C7orf33: variants seen among roughly 807,000 people sequenced by gnomAD.
The protein encoded by C7orf33 is uncharacterized protein C7orf33.
C7orf33 carries 15 observed loss-of-function variants against 13.4 expected under a neutral mutation model. The ratio of observed to expected loss-of-function variants is 1.12; its 90% confidence interval spans 0.75 to 1.72. The LOEUF (loss-of-function observed/expected upper bound fraction) is 1.72. Ranked by LOEUF, C7orf33 falls within the 40% of genes most tolerant of loss-of-function variation. C7orf33 has a pLI of 0.00. For synonymous variants in C7orf33, 73 were observed against 83.2 expected, an observed-to-expected ratio of 0.88 and a Z score of 0.67; for missense variants, 187 against 220.3, an observed-to-expected ratio of 0.85 and a Z score of 0.96.
chr7:148,609,331 T>G (rs950305188), intron 1 of C7orf33, among the ~76,000 whole-genome samples: 2 of 152,224 alleles, frequency 1.3e-5, no homozygotes. Flanking sequence ...ATATTTTGGC[T>G]CTTATATCAG....
intron 1 of C7orf33, among the ~76,000 whole-genome samples, chr7:148,597,128 G>T (rs1442874425): frequency 6.6e-6 from 1 of 151,676 alleles, no homozygotes; most frequent in African/African-American, 2.4e-5. Context: ...ACCAACATCT[G>T]TGTGGATATT....
chr7:148,612,526 T>C (rs1796555642), intron 1 of C7orf33, among the ~76,000 whole-genome samples: 1 of 152,002 alleles, frequency 6.6e-6, no homozygotes, highest in South Asian at 2.1e-4. Context: ...ATATCCAAAA[T>C]ATAGAATTCT....
intron 1 of C7orf33, among the ~76,000 whole-genome samples, chr7:148,606,699 G>A (rs943925604): frequency 4.6e-5 from 7 of 152,100 alleles, no homozygotes; most frequent in African/African-American, 1.7e-4. Flanking sequence ...TGATTCTCCT[G>A]CCTCAGCCTC....
chr7:148,594,250 A>G (rs889553151), intron 1 of C7orf33, among the ~76,000 whole-genome samples: 3 of 143,670 alleles, frequency 2.1e-5, no homozygotes, highest in African/African-American at 7.9e-5. Context: ...ATCTTGGCTC[A>G]CTGCAAGCTC....
At chr7:148,602,474 G>A (rs921224566) in intron 1 of C7orf33, among the ~76,000 whole-genome samples, 5 of 152,096 alleles carry the variant, frequency 3.3e-5, no homozygotes, top group African/African-American at 4.8e-5. Flanking sequence ...GTGCATCTCT[G>A]TAATCCCAGC....
chr7:148,595,659 CTATATTATATAGATATAATATAG>C (rs1338405546), intron 1 of C7orf33, among the ~76,000 whole-genome samples: 11,346 of 111,600 alleles, frequency 0.1, 949 homozygotes, highest in South Asian at 0.27. Flanking sequence ...TAATATAGAT[CTATATTATATAGATATAATATAG>C]ATCTATATTA....
intron 1 of C7orf33, among the ~76,000 whole-genome samples, chr7:148,604,636 G>T (rs1796453858): frequency 6.6e-6 from 1 of 152,142 alleles, no homozygotes; most frequent in East Asian, 1.9e-4. Context: ...GGGTCCACCA[G>T]AATCTCAGAA....
At chr7:148,609,730 C>G (rs1796514011) in intron 1 of C7orf33, among the ~76,000 whole-genome samples, 1 of 152,174 alleles carries the variant, frequency 6.6e-6, no homozygotes, top group Non-Finnish European at 1.5e-5. Context: ...CAAAAGGGAA[C>G]ATATTATCCT....
In C7orf33 at chr7:148,599,552, C is replaced by T. The variant is rs113857082; in HGVS notation, c.204+8423C>T. The stretch of plus-strand genomic sequence containing the variant: ...GCAATGGCATGGTCTCAGCTCACTG[C>T]AACCTCCACCTCCCGGGTTCAAGCA... On this transcript the variant is annotated intron_variant, in intron 1 of 2. Coordinates refer to ENST00000307003, the MANE Select transcript of C7orf33 (RefSeq NM_145304.4). 9.0e-3 allele frequency among the ~76,000 whole-genome samples: 1,339 copies of T among 149,154 alleles called. 16 individuals are homozygous for T. Among genetic ancestry groups the T allele is most frequent in the African/African-American group, 0.031 (1,265 of 40,186 alleles).
intron 1 of C7orf33, among the ~76,000 whole-genome samples, chr7:148,600,682 T>A (rs974635939): frequency 2.0e-5 from 3 of 152,136 alleles, no homozygotes; most frequent in Non-Finnish European, 4.4e-5. Context: ...CCTATATGCA[T>A]CTTATTTTGT....
Position 148,591,061 on chromosome 7 carries a change from G to A in C7orf33, c.136G>A (p.Ala46Thr), listed in dbSNP as rs756799041. 17 of 1,613,928 alleles carry A rather than the reference G, an allele frequency of 1.1e-5. No homozygotes were observed. Among genetic ancestry groups the A allele is most frequent in the South Asian group, 4.4e-5 (4 of 91,056 alleles). Residue 46 changes from alanine (A) to threonine (T), a missense_variant, in exon 1 of 3, where the codon GCT becomes ACT. By Grantham distance (58) the Ala-to-Thr change is moderately conservative (BLOSUM62 0). Transcript: ENST00000307003. ...CCTTCGCCTGAGTGGGAGGGCAGTCGCTGTTTGGGTCCACGTTAGGGGCGG... is the reference window on the plus strand; with the variant it reads ...CCTTCGCCTGAGTGGGAGGGCAGTCACTGTTTGGGTCCACGTTAGGGGCGG... The part of the protein sequence containing the change: ...IDLRLSGRAV[A>T]VWVHVRGGPG...
At chr7:148,602,604 T>TA in intron 1 of C7orf33, among the ~76,000 whole-genome samples, 1 of 151,862 alleles carries the variant, frequency 6.6e-6, no homozygotes. Flanking sequence ...TCTCAAAAAA[T>TA]AAAAAATAAA....
chr7:148,608,772 A>G (rs1352695814), intron 1 of C7orf33, among the ~76,000 whole-genome samples: 1 of 152,140 alleles, frequency 6.6e-6, no homozygotes, highest in African/African-American at 2.4e-5. Flanking sequence ...AGCCACGGTC[A>G]CACCTCTGCA....
rs1796576898 is a variant in C7orf33 at position 148,614,184 on chromosome 7, C to T, written c.347C>T (p.Thr116Ile). 1 of 1,614,080 alleles carries T rather than the reference C, an allele frequency of 6.2e-7. No individual in the cohort carries two copies. Among genetic ancestry groups the T allele is most frequent in the African/African-American group, 1.3e-5 (1 of 74,926 alleles). ...AQRAVRIRPG[T>I]RMGLSSDPVV... Reference sequence around the variant, plus strand: ...AGAGCAGTCAGAATCAGGCCAGGCACCAGGATGGGCTTGTCCTCAGATCCA... The same window carrying T: ...AGAGCAGTCAGAATCAGGCCAGGCATCAGGATGGGCTTGTCCTCAGATCCA... Residue 116 changes from threonine to isoleucine, a missense_variant, in exon 2 of 3, where the codon ACC becomes ATC. Transcript: ENST00000307003.
At chr7:148,595,671 G>GATATA (rs1316800971) in intron 1 of C7orf33, among the ~76,000 whole-genome samples, 3 of 96,672 alleles carry the variant, frequency 3.1e-5, no homozygotes, top group Non-Finnish European at 5.8e-5. Flanking sequence ...ATATTATATA[G>GATATA]ATATAATATA....
At chr7:148,594,111 C>G (rs57386486) in intron 1 of C7orf33, among the ~76,000 whole-genome samples, 1 of 151,720 alleles carries the variant, frequency 6.6e-6, no homozygotes, top group Non-Finnish European at 1.5e-5. Flanking sequence ...CCCCAGAAGC[C>G]GAGCAGACGC....
chr7:148,593,916 G>A (rs2116886661), intron 1 of C7orf33, among the ~76,000 whole-genome samples: 1 of 152,298 alleles, frequency 6.6e-6, no homozygotes, highest in South Asian at 2.1e-4. Context: ...TCATGGGGGT[G>A]GATTTGTCAT....
chr7:148,602,022 T>C (rs1796422709), intron 1 of C7orf33, among the ~76,000 whole-genome samples: 1 of 152,174 alleles, frequency 6.6e-6, no homozygotes. Context: ...GTACTGGGAT[T>C]ACAGGCGTGA....
intron 1 of C7orf33, among the ~76,000 whole-genome samples, chr7:148,592,327 G>A (rs1796279784): frequency 6.6e-6 from 1 of 152,138 alleles, no homozygotes; most frequent in Non-Finnish European, 1.5e-5. Flanking sequence ...AGAGTAAAAA[G>A]AAGAAAATAC....
Sources: allele counts gnomAD v4.1 joint callset (sites outside exome capture counted in the v4.1 genomes callset), GRCh38; gene constraint gnomAD v4.1.1; transcripts MANE v1.5; gene names NCBI Gene and HGNC (gene_info 2026-07-23, HGNC 2026-07-21).